The following KIF16B variants were observed in gnomAD, a reference collection of about 807,000 sequenced individuals.
The protein encoded by KIF16B is kinesin family member 16B, also known as kinesin-like protein KIF16B.
A neutral mutation model predicts 156.3 loss-of-function variants in KIF16B; 98 were observed. The ratio of observed to expected loss-of-function variants is 0.63; its 90% confidence interval spans 0.53 to 0.74. KIF16B has a LOEUF of 0.74. KIF16B is among the 30% of genes least tolerant of loss of function. KIF16B has a pLI of 0.00. For synonymous variants in KIF16B, 564 were observed against 583.7 expected, an observed-to-expected ratio of 0.97 and a Z score of 0.49; for missense variants, 1,421 against 1,606.5, an observed-to-expected ratio of 0.88 and a Z score of 1.97.
At chr20:16,517,815 T>C (rs1439471123) in intron 3 of KIF16B, among the ~76,000 whole-genome samples, 2 of 152,226 alleles carry the variant, frequency 1.3e-5, no homozygotes, top group African/African-American at 4.8e-5. Context: ...AAATACCATT[T>C]TTTATGAATT....
chr20:16,349,785 T>G (rs2064300059), intron 23 of KIF16B, among the ~76,000 whole-genome samples: 1 of 152,162 alleles, frequency 6.6e-6, no homozygotes, highest in Admixed American at 6.5e-5. Flanking sequence ...GTTCTGCAAT[T>G]TAGCATGTCT....
chr20:16,413,299 A>G (rs771199746), intron 15 of KIF16B, among the ~76,000 whole-genome samples: 1 of 152,124 alleles, frequency 6.6e-6, no homozygotes, highest in Admixed American at 6.6e-5. Context: ...AAGCATAGAC[A>G]AAGACATTGC....
At chr20:16,458,468 C>A (rs1211109086) in intron 12 of KIF16B, among the ~76,000 whole-genome samples, 1 of 152,062 alleles carries the variant, frequency 6.6e-6, no homozygotes, top group Non-Finnish European at 1.5e-5. Flanking sequence ...CATGTTCTGA[C>A]AGCATTTCTG....
chr20:16,333,082 G>C (rs1289031025), intron 24 of KIF16B, among the ~76,000 whole-genome samples: 1 of 152,146 alleles, frequency 6.6e-6, no homozygotes, highest in Non-Finnish European at 1.5e-5. Flanking sequence ...CCACATGATA[G>C]AGTCCCTTCC....
At chr20:16,391,289 G>T (rs2065357997) in intron 17 of KIF16B, among the ~76,000 whole-genome samples, 1 of 152,186 alleles carries the variant, frequency 6.6e-6, no homozygotes, top group African/African-American at 2.4e-5. Context: ...TCCTGGGCAA[G>T]CTTCTCTTCT....
In KIF16B at chr20:16,509,009, C is replaced by A. The variant is rs969717601; in HGVS notation, c.557-909G>T. Among the ~76,000 whole-genome samples the A allele has an allele frequency of 3.3e-5, 5 of 152,254 alleles. No individual in the cohort carries two copies. The East Asian group carries it at 7.7e-4, about 24-fold the overall frequency. ...CTGTCAGGGAACCAAATGTTACATACCCTTCTAGAAATAACCTATACATAC... is the reference window on the plus strand; with the variant it reads ...CTGTCAGGGAACCAAATGTTACATAACCTTCTAGAAATAACCTATACATAC... On this transcript the variant is annotated intron_variant, in intron 6 of 25. Coordinates refer to ENST00000354981, the MANE Select transcript of KIF16B (RefSeq NM_024704.5).
intron 1 of KIF16B, among the ~76,000 whole-genome samples, chr20:16,569,348 TG>T (rs1412893830): frequency 6.6e-6 from 1 of 152,234 alleles, no homozygotes; most frequent in Non-Finnish European, 1.5e-5. Context: ...AACTGGATTT[TG>T]TACCTGGAGC....
At chr20:16,442,248 A>G (rs1391321388) in intron 12 of KIF16B, among the ~76,000 whole-genome samples, 2 of 152,074 alleles carry the variant, frequency 1.3e-5, no homozygotes, top group African/African-American at 2.4e-5. Flanking sequence ...AAATGCTGAG[A>G]GAGTGGATGC....
chr20:16,512,972 C>G (rs202204707), intron 4 of KIF16B, 49 bp from the exon 5 acceptor site: 1 of 1,373,672 alleles, frequency 7.3e-7, no homozygotes, highest in Non-Finnish European at 1.0e-6. Flanking sequence ...ATAAAAGCAA[C>G]TGATGACTGA....
At chr20:16,370,524 G>C in intron 22 of KIF16B, 62 bp downstream of exon 22, 2 of 1,332,114 alleles carry the variant, frequency 1.5e-6, no homozygotes, top group Non-Finnish European at 2.0e-6. Flanking sequence ...TTAAGAAAAT[G>C]TAATCACATG....
At chr20:16,401,908 A>G (rs1225523937) in intron 17 of KIF16B, among the ~76,000 whole-genome samples, 1 of 152,150 alleles carries the variant, frequency 6.6e-6, no homozygotes, top group Non-Finnish European at 1.5e-5. Flanking sequence ...ATACATCCTG[A>G]TATTTGTATT....
intron 24 of KIF16B, among the ~76,000 whole-genome samples, chr20:16,314,683 AT>A (rs1354848329): frequency 6.6e-6 from 1 of 152,232 alleles, no homozygotes; most frequent in African/African-American, 2.4e-5. Context: ...TTCCGTGAAG[AT>A]TTAGTGACTG....
At chr20:16,363,126 GTC>G (rs2064583385) in intron 22 of KIF16B, among the ~76,000 whole-genome samples, 1 of 152,160 alleles carries the variant, frequency 6.6e-6, no homozygotes, top group Admixed American at 6.5e-5. Context: ...TATGAGAAGT[GTC>G]TTCTCTGAAG....
chr20:16,529,560 G>A (rs2069671035), intron 1 of KIF16B, among the ~76,000 whole-genome samples: 1 of 152,202 alleles, frequency 6.6e-6, no homozygotes, highest in Admixed American at 6.5e-5. Flanking sequence ...TGTGTACTGT[G>A]GGACATTACA....
At chr20:16,560,361 T>A (rs1451082076) in intron 1 of KIF16B, among the ~76,000 whole-genome samples, 1 of 152,250 alleles carries the variant, frequency 6.6e-6, no homozygotes, top group African/African-American at 2.4e-5. Flanking sequence ...GTGACTTAAC[T>A]GTGTCCCAGG....
chr20:16,546,693 C>T (rs1213669105), intron 1 of KIF16B, among the ~76,000 whole-genome samples: 1 of 152,202 alleles, frequency 6.6e-6, no homozygotes, highest in Non-Finnish European at 1.5e-5. Context: ...GCTTTATCTA[C>T]ATCAACTCAA....
intron 25 of KIF16B, among the ~76,000 whole-genome samples, chr20:16,304,460 A>G (rs985206311): frequency 2.0e-5 from 3 of 152,194 alleles, no homozygotes; most frequent in South Asian, 4.1e-4. Flanking sequence ...GAATACTCCA[A>G]CAGCCACTAA....
chr20:16,282,752 G>A (rs1212112449), intron 25 of KIF16B, among the ~76,000 whole-genome samples: 1 of 152,098 alleles, frequency 6.6e-6, no homozygotes, highest in Non-Finnish European at 1.5e-5. Flanking sequence ...CTGGACCTGG[G>A]CTCTGCCAGT....
At chr20:16,568,602 C>T (rs1163113773) in intron 1 of KIF16B, among the ~76,000 whole-genome samples, 1 of 151,824 alleles carries the variant, frequency 6.6e-6, no homozygotes, top group Non-Finnish European at 1.5e-5. Flanking sequence ...TCACTTGAGC[C>T]CAGGAGTTTG....
Sources: allele counts gnomAD v4.1 joint callset (sites outside exome capture counted in the v4.1 genomes callset), GRCh38; gene constraint gnomAD v4.1.1; transcripts MANE v1.5; gene names NCBI Gene and HGNC (gene_info 2026-07-23, HGNC 2026-07-21).